The following MATR3 variants were observed in gnomAD, a reference collection of about 807,000 sequenced individuals.
The protein encoded by MATR3 is matrin-3.
MATR3 carries 4 observed loss-of-function variants against 85.5 expected under a neutral mutation model. That is an observed-to-expected ratio of 0.05 (90% CI 0.02 to 0.11). The LOEUF is 0.11. Ranked by LOEUF, MATR3 falls within the 10% of genes least tolerant of loss-of-function variation. MATR3 has a pLI of 1.00. For synonymous variants in MATR3, 336 were observed against 343.1 expected, an observed-to-expected ratio of 0.98 and a Z score of 0.23; for missense variants, 685 against 1,016.1, an observed-to-expected ratio of 0.67 and a Z score of 4.43.
At chr5:139,274,244 C>T (rs1349399172) in intron 1 of MATR3, 1 of 356,026 alleles carries the variant, frequency 2.8e-6, no homozygotes, top group East Asian at 7.4e-5. Flanking sequence ...TCTGCCGGGG[C>T]ACGGGACGAA....
At position 139,307,907 on chromosome 5, in the gene MATR3, T is replaced by C. The variant is rs202136777; in HGVS notation, c.492T>C (p.Ser164=). The change falls in exon 2 of 15, where the codon TCT becomes TCC. Residue 164 remains serine, a synonymous_variant. Transcript: ENST00000394805. The surrounding 1 kb of genome is among the most constrained non-coding windows in gnomAD (Gnocchi z 4.4). ...PTLSYGRDGR[S]ATREPPYRVP... ...TGAGTTATGGTAGAGATGGCAGATC[T>C]GCTACACGGGAGCCACCATACAGAG... The C allele has an allele frequency of 1.9e-6, 3 of 1,614,066 alleles. No individual in the cohort carries two copies. Among genetic ancestry groups the C allele is most frequent in the Non-Finnish European group, 2.5e-6 (3 of 1,180,000 alleles).
chr5:139,315,454 A>G (rs1210145994), intron 3 of MATR3: 3 of 443,210 alleles, frequency 6.8e-6, no homozygotes, highest in Non-Finnish European at 1.2e-5. Context: ...TAGAGGAAAA[A>G]CTTAATTTCA....
chr5:139,317,416 G>T (rs2151989959), intron 6 of MATR3, among the ~76,000 whole-genome samples, 180 bp from the exon 7 acceptor site: 1 of 152,270 alleles, frequency 6.6e-6, no homozygotes, highest in South Asian at 2.1e-4. Context: ...TTTGGTTATG[G>T]TCAGAAAGAA....
chr5:139,309,405 G>A (rs934770339), intron 2 of MATR3, among the ~76,000 whole-genome samples: 1 of 152,100 alleles, frequency 6.6e-6, no homozygotes, highest in African/African-American at 2.4e-5. Context: ...ATCTGGAAGG[G>A]TCATTTTCTT....
chr5:139,274,339 C>T (rs1227561880), intron 1 of MATR3: 3 of 346,466 alleles, frequency 8.7e-6, no homozygotes, highest in African/African-American at 4.3e-5. Context: ...GTTTTTCTAC[C>T]ATCCCTCTTC....
rs1368115814 is a variant in MATR3 at position 139,325,216 on chromosome 5, A to G, written c.2149-224A>G. On this transcript the variant is annotated intron_variant, in intron 12 of 14. Coordinates refer to ENST00000394805, the MANE Select transcript of MATR3 (RefSeq NM_018834.6). ...TCAAAAAAAAAAAGGCAAAGACGCT[A>G]TCCGTTTCCCTTCAAGTAAAGCAGA... is the stretch of plus-strand genomic sequence containing the variant. The G allele has an allele frequency of 7.2e-6, 11 of 1,517,348 alleles. No individual in the cohort carries two copies. The South Asian group carries it at 1.3e-4, about 18-fold the overall frequency. The allele number at this position is 1,517,348 out of a possible 1,614,324, so 94.0% of individuals were successfully genotyped here.
At chr5:139,314,928 T>C (rs563718086) in intron 3 of MATR3, 192 bp downstream of exon 3, 1 of 546,960 alleles carries the variant, frequency 1.8e-6, no homozygotes, top group African/African-American at 1.9e-5. Flanking sequence ...GATGCAGTAA[T>C]AATATTTTGT....
Position 139,307,711 on chromosome 5 carries a change from C to G in MATR3, c.296C>G (p.Ser99Cys), listed in dbSNP as rs1754779941. Reference protein sequence around the residue: ...IGSRGPLPLSSQHRGDADQAS... With the variant: ...IGSRGPLPLSCQHRGDADQAS... ...AGTAGAGGTCCACTCCCTTTATCTT[C>G]TCAACACCGTGGAGATGCAGACCAG... Residue 99 changes from serine to cysteine, a missense_variant, in exon 2 of 15, where the codon TCT becomes TGT. Physicochemically the swap from Ser to Cys is moderately radical, Grantham distance 112. This residue lies in a region of MATR3 where 57 missense variants were observed against 68.6 expected (regional missense o/e 0.83). Transcript: ENST00000394805. The surrounding 1 kb of genome is among the most constrained non-coding windows in gnomAD (Gnocchi z 4.4). The G allele has an allele frequency of 1.2e-6, 2 of 1,614,142 alleles. No homozygotes were observed. Among genetic ancestry groups the G allele is most frequent in the Non-Finnish European group, 1.7e-6 (2 of 1,180,008 alleles).
intron 4 of MATR3, 41 bp downstream of exon 4, chr5:139,315,779 A>G (rs1755209512): frequency 6.9e-7 from 1 of 1,449,658 alleles, no homozygotes; most frequent in Admixed American, 1.7e-5. Context: ...AAAGGAGATC[A>G]ATGTAAGGAA....
At chr5:139,308,992 T>C (rs1385545355) in intron 2 of MATR3, among the ~76,000 whole-genome samples, 3 of 152,198 alleles carry the variant, frequency 2.0e-5, no homozygotes, top group East Asian at 3.8e-4. Context: ...TCTGTCCCTT[T>C]AGAGACTTGG....
At position 139,325,561 on chromosome 5, in the gene MATR3, A is replaced by G. The variant is rs764124041; in HGVS notation, c.2270A>G (p.Asp757Gly). The change falls in exon 13 of 15, where the codon GAT becomes GGT. Residue 757 changes from aspartate (D) to glycine (G), a missense_variant. By Grantham distance (94) the Asp-to-Gly change is moderately conservative. Transcript: ENST00000394805. ...GAGAACGCTGATGATCCCAACAAAG[A>G]TACAAGTGAAAACGCAGATGGTCAA... is the stretch of plus-strand genomic sequence containing the variant. ...SSENADDPNK[D>G]TSENADGQSD... is the part of the protein sequence containing the mutation. 9.3e-6 allele frequency: 15 copies of G among 1,614,222 alleles called. No homozygotes were observed. The highest frequency in any genetic ancestry group is 1.3e-5 in the Non-Finnish European group (15 of 1,180,038).
chr5:139,307,282 TATTG>T lies in MATR3; in HGVS notation c.-131_-128del. On this transcript the variant is annotated 5_prime_UTR_variant, in exon 2 of 15. Coordinates refer to ENST00000394805, the MANE Select transcript of MATR3 (RefSeq NM_018834.6). This position sits in a 1 kb window ranked among gnomAD's most constrained non-coding sequence, Gnocchi z 4.4. The stretch of plus-strand genomic sequence containing the variant: ...AGCTTGAAGAAGATTCTGCAGTCCT[TATTG>T]ATCCTTTTTCTTGGCGTTACCATTT... The T allele has an allele frequency of 1.4e-6, 2 of 1,429,934 alleles. No homozygotes were observed. The allele number at this position is 1,429,934 out of a possible 1,614,324, so 88.6% of individuals were successfully genotyped here.
intron 14 of MATR3, among the ~76,000 whole-genome samples, chr5:139,328,971 C>T (rs1755993223): frequency 6.6e-6 from 1 of 151,970 alleles, no homozygotes; most frequent in Non-Finnish European, 1.5e-5. Context: ...CGACACTGCA[C>T]TCCAGCCTGG....
chr5:139,324,035 C>G (rs779272116), intron 12 of MATR3, among the ~76,000 whole-genome samples: 1 of 152,094 alleles, frequency 6.6e-6, no homozygotes, highest in Non-Finnish European at 1.5e-5. Context: ...ATTAATTTTT[C>G]TCACTAGAGC....
In MATR3 at chr5:139,331,343, A is replaced by G. The variant is rs1383410040; in HGVS notation, c.*1948A>G. On this transcript the variant is annotated 3_prime_UTR_variant, in exon 15 of 15. Coordinates refer to ENST00000394805, the MANE Select transcript of MATR3 (RefSeq NM_018834.6). ...AATTCCAATTTTTAACAGCAGGTAC[A>G]TAAAGCATTATGTGCACAATGGAGT... 4 of 454,162 alleles carry G rather than the reference A, an allele frequency of 8.8e-6. No individual in the cohort carries two copies. The highest frequency in any genetic ancestry group is 1.6e-5 in the South Asian group (1 of 64,478). 28.1% of individuals were successfully genotyped at this position (454,162 alleles called of 1,614,324 possible). A position where few individuals can be genotyped will look rare whatever the true frequency, so the allele number is the denominator to read the frequency against.
intron 3 of MATR3, among the ~76,000 whole-genome samples, chr5:139,288,647 C>T (rs1331229948): frequency 1.4e-5 from 2 of 147,384 alleles, no homozygotes; most frequent in Non-Finnish European, 3.0e-5. Context: ...AACATCATCT[C>T]TTTTTTTTTT....
At position 139,307,372 on chromosome 5, in the gene MATR3, AT is replaced by A. The variant is rs372628597; in HGVS notation, c.-33del. On this transcript the variant is annotated 5_prime_UTR_variant, in exon 2 of 15. Transcript: ENST00000394805. This position sits in a 1 kb window ranked among gnomAD's most constrained non-coding sequence, Gnocchi z 4.4. Reference sequence around the variant, plus strand: ...TTTCTTTTTGGCCGTCTTTAAAAAAATTTTTTTTTTTAATCTATAAAATAGA... The same window carrying A: ...TTTCTTTTTGGCCGTCTTTAAAAAAATTTTTTTTTTAATCTATAAAATAGA... The A allele has an allele frequency of 9.4e-4, 1,390 of 1,479,718 alleles. 3 individuals are homozygous for A. Among genetic ancestry groups the A allele is most frequent in the South Asian group, 2.5e-3 (186 of 74,996 alleles). The allele number at this position is 1,479,718 out of a possible 1,614,324, so 91.7% of individuals were successfully genotyped here.
intron 12 of MATR3, 98 bp from the exon 13 acceptor site, chr5:139,325,342 T>G (rs760014007): frequency 2.5e-6 from 4 of 1,586,132 alleles, no homozygotes; most frequent in Non-Finnish European, 3.4e-6. Flanking sequence ...CTAGATGAGG[T>G]TGGTGATGAG....
intron 3 of MATR3, chr5:139,280,541 A>C (rs2151868746): frequency 6.6e-6 from 1 of 152,272 alleles, no homozygotes; most frequent in African/African-American, 2.4e-5. Context: ...GGATTTGTTT[A>C]TGTGTTTTTT....
Sources: allele counts gnomAD v4.1 joint callset (sites outside exome capture counted in the v4.1 genomes callset), GRCh38; gene constraint gnomAD v4.1.1; regional missense constraint gnomAD v4.1.1; non-coding constraint Gnocchi (gnomAD v3.1); transcripts MANE v1.5; gene names NCBI Gene and HGNC (gene_info 2026-07-23, HGNC 2026-07-21).